ARHGAP12: variants seen among roughly 807,000 people sequenced by gnomAD.
The protein encoded by ARHGAP12 is Rho GTPase activating protein 12, also known as rho GTPase-activating protein 12.
Under a neutral mutation model 108.6 loss-of-function variants are expected in ARHGAP12, and 64 were observed. The observed-to-expected ratio is 0.59, with a 90% CI of 0.48 to 0.73. The LOEUF (loss-of-function observed/expected upper bound fraction) is 0.73. Among genes scored for constraint, ARHGAP12 ranks in the 30% least tolerant of loss-of-function variants. The pLI is 0.00. For synonymous variants in ARHGAP12, 312 were observed against 337.2 expected (o/e 0.93, Z 0.82); for missense variants, 940 against 1,005.9 (o/e 0.93, Z 0.89).
intron 3 of ARHGAP12, among the ~76,000 whole-genome samples, chr10:31,896,515 A>T (rs1360935970): frequency 6.6e-6 from 1 of 151,918 alleles, no homozygotes; most frequent in East Asian, 1.9e-4. Flanking sequence ...TATCATTTCT[A>T]CTCCCCAGTT....
chr10:31,906,448 G>A (rs1025811858), intron 3 of ARHGAP12, among the ~76,000 whole-genome samples: 5 of 152,206 alleles, frequency 3.3e-5, no homozygotes, highest in African/African-American at 1.2e-4. Context: ...GATGGCAAGT[G>A]ATACAGAACC....
intron 11 of ARHGAP12, among the ~76,000 whole-genome samples, chr10:31,825,656 T>G (rs368743574): frequency 6.6e-6 from 1 of 152,168 alleles, no homozygotes; most frequent in Non-Finnish European, 1.5e-5. Flanking sequence ...GGAGACAATA[T>G]ATACACAATC....
In ARHGAP12 at chr10:31,827,804, C is replaced by A. The variant is rs200160114; in HGVS notation, c.1449-1419G>T. Among the ~76,000 whole-genome samples the A allele has an allele frequency of 4.3e-3, 597 of 137,242 alleles. 13 individuals carry two copies. Among genetic ancestry groups the A allele is most frequent in the African/African-American group, 0.019 (566 of 29,330 alleles). 90.0% of individuals were successfully genotyped at this position (137,242 alleles called of 152,430 possible). Reference sequence around the variant, plus strand: ...AGACTCCGTCACCCAGAAAAAAAAACAAAAACAAAAAAAAAACCACCTCTA... The same window carrying A: ...AGACTCCGTCACCCAGAAAAAAAAAAAAAAACAAAAAAAAAACCACCTCTA... On this transcript the variant is annotated intron_variant, in intron 10 of 19. Coordinates refer to ENST00000344936, the MANE Select transcript of ARHGAP12 (RefSeq NM_018287.7).
At chr10:31,894,839 C>T (rs1351067336) in intron 3 of ARHGAP12, among the ~76,000 whole-genome samples, 3 of 152,188 alleles carry the variant, frequency 2.0e-5, no homozygotes, top group Non-Finnish European at 4.4e-5. Flanking sequence ...CGCTACCTGA[C>T]TTCAAACTAT....
At chr10:31,893,168 C>T (rs1838527375) in intron 3 of ARHGAP12, among the ~76,000 whole-genome samples, 1 of 152,078 alleles carries the variant, frequency 6.6e-6, no homozygotes, top group East Asian at 1.9e-4. Flanking sequence ...AAAATTGACA[C>T]CCTAACATCA....
chr10:31,881,036 C>T (rs79292253), intron 3 of ARHGAP12, among the ~76,000 whole-genome samples: 1,825 of 152,016 alleles, frequency 0.012, 46 homozygotes, highest in African/African-American at 0.041. Flanking sequence ...TCAATTCCCC[C>T]CACCTTCCCC....
intron 9 of ARHGAP12, among the ~76,000 whole-genome samples, chr10:31,832,275 A>C (rs12357095): frequency 0.2 from 30,818 of 152,144 alleles, 3,382 homozygotes; most frequent in East Asian, 0.47. Flanking sequence ...GTATTTAATA[A>C]ATTACTAAAA....
chr10:31,835,481 T>C (rs1403926703), intron 9 of ARHGAP12, among the ~76,000 whole-genome samples: 1 of 152,206 alleles, frequency 6.6e-6, no homozygotes, highest in Non-Finnish European at 1.5e-5. Flanking sequence ...AGTAACAATA[T>C]TATTCTATCC....
At position 31,812,809 on chromosome 10, in the gene ARHGAP12, T is replaced by G. The variant is rs1344510846; in HGVS notation, c.1849A>C (p.Ser617Arg). The G allele has an allele frequency of 1.9e-6, 3 of 1,586,328 alleles. No homozygotes were observed. In the South Asian group the frequency reaches 3.4e-5, roughly 18 times the overall value. ...TTTTTCTGTTCTGAAGAATCTATGCTAGATACTTTAAAGGCTTAAGACAAA... is the reference window on the plus strand; with the variant it reads ...TTTTTCTGTTCTGAAGAATCTATGCGAGATACTTTAAAGGCTTAAGACAAA... ...PKKLRSFKVSSIDSSEQKKTK... is the reference protein window; with the variant it reads ...PKKLRSFKVSRIDSSEQKKTK... The change falls in exon 15 of 20, where the codon AGC (serine) becomes CGC (arginine). Residue 617 changes from serine (S) to arginine (R), a missense_variant. Physicochemically the swap from Ser to Arg is moderately radical, Grantham distance 110. Transcript: ENST00000344936.
chr10:31,906,998 C>G (rs1839158363), intron 3 of ARHGAP12, among the ~76,000 whole-genome samples: 2 of 152,152 alleles, frequency 1.3e-5, no homozygotes, highest in Admixed American at 1.3e-4. Context: ...CTTCACATAG[C>G]TTCCTTGATC....
At chr10:31,928,506 C>G (rs1331825488) in intron 1 of ARHGAP12, among the ~76,000 whole-genome samples, 177 bp downstream of exon 1, 1 of 151,026 alleles carries the variant, frequency 6.6e-6, no homozygotes, top group Non-Finnish European at 1.5e-5. Context: ...TCGCTGCGCG[C>G]CCGACCTCCC....
At chr10:31,850,637 G>A (rs969430843) in intron 6 of ARHGAP12, among the ~76,000 whole-genome samples, 2 of 151,984 alleles carry the variant, frequency 1.3e-5, no homozygotes, top group African/African-American at 4.8e-5. Context: ...CCTAAAAGTT[G>A]GTAACAGTCG....
At chr10:31,927,229 A>AATTTTAAAAC (rs144466157) in intron 1 of ARHGAP12, among the ~76,000 whole-genome samples, 99 of 151,868 alleles carry the variant, frequency 6.5e-4, no homozygotes, top group Non-Finnish European at 1.2e-3. Flanking sequence ...TTTCCAAGGC[A>AATTTTAAAAC]AAATAAAAAT....
chr10:31,874,887 T>A (rs1490630249), intron 3 of ARHGAP12, among the ~76,000 whole-genome samples: 3 of 139,714 alleles, frequency 2.1e-5, no homozygotes. Flanking sequence ...GGCAAGAGAA[T>A]CTCTTGAACC....
chr10:31,899,409 CAA>C (rs1838834593), intron 3 of ARHGAP12, among the ~76,000 whole-genome samples: 1 of 152,064 alleles, frequency 6.6e-6, no homozygotes. Flanking sequence ...CATGGAAAAG[CAA>C]AAGACTTAGA....
intron 3 of ARHGAP12, among the ~76,000 whole-genome samples, chr10:31,872,142 G>A (rs1837563884): frequency 6.6e-6 from 1 of 152,046 alleles, no homozygotes; most frequent in Non-Finnish European, 1.5e-5. Flanking sequence ...TGCACAAATT[G>A]GCACTCAATA....
At chr10:31,825,797 C>CA (rs1835582931) in intron 11 of ARHGAP12, among the ~76,000 whole-genome samples, 2 of 152,098 alleles carry the variant, frequency 1.3e-5, no homozygotes, top group Non-Finnish European at 2.9e-5. Flanking sequence ...AGTAAGCACT[C>CA]AAATATATAA....
intron 3 of ARHGAP12, among the ~76,000 whole-genome samples, chr10:31,863,718 T>C (rs1837218299): frequency 1.3e-5 from 2 of 152,194 alleles, no homozygotes; most frequent in Middle Eastern, 3.4e-3. Context: ...AGCACAGATA[T>C]TAAGAAAGTC....
chr10:31,874,336 G>A (rs113170041), intron 3 of ARHGAP12, among the ~76,000 whole-genome samples: 60 of 152,250 alleles, frequency 3.9e-4, no homozygotes, highest in African/African-American at 1.2e-3. Flanking sequence ...GGAAAAGGTA[G>A]TGGAAAAGGT....
Sources: gnomAD v4.1 joint callset for allele counts (sites outside exome capture counted in the v4.1 genomes callset) on GRCh38, gnomAD v4.1.1 for gene constraint, MANE v1.5 for transcripts, NCBI Gene and HGNC (gene_info 2026-07-23, HGNC 2026-07-21) for gene names.